The following SH3GL1 variants were observed in gnomAD, a reference collection of about 807,000 sequenced individuals.
SH3GL1 encodes the protein endophilin-A2.
A neutral mutation model predicts 48.8 loss-of-function variants in SH3GL1; 21 were observed. That is an observed-to-expected ratio of 0.43 (90% CI 0.30 to 0.62). The LOEUF is 0.62. Among genes scored for constraint, SH3GL1 ranks in the 20% least tolerant of loss-of-function variants. The probability of loss-of-function intolerance (pLI) is 0.11; values close to 1 mark genes in which losing one functional copy is unlikely to be tolerated. For synonymous variants in SH3GL1, 282 were observed against 217.5 expected (o/e 1.30, Z -2.61); for missense variants, 454 against 503.0 (o/e 0.90, Z 0.93).
intron 3 of SH3GL1, among the ~76,000 whole-genome samples, 159 bp downstream of exon 3, chr19:4,366,342 G>A (rs1345890382): frequency 2.6e-5 from 4 of 152,172 alleles, no homozygotes; most frequent in Admixed American, 2.0e-4. Flanking sequence ...GAGGTGGAAA[G>A]GCAGCATGCA....
chr19:4,394,759 AGAACCCTTG>A (rs1175345719), intron 1 of SH3GL1, among the ~76,000 whole-genome samples: 3 of 152,236 alleles, frequency 2.0e-5, no homozygotes, highest in Admixed American at 6.5e-5. Flanking sequence ...GGACACCGTA[AGAACCCTTG>A]GAAGTCTAGA....
intron 1 of SH3GL1, among the ~76,000 whole-genome samples, chr19:4,371,004 C>T (rs1220552810): frequency 3.9e-5 from 6 of 152,366 alleles, no homozygotes; most frequent in East Asian, 3.9e-4. Flanking sequence ...ACCTGCATGC[C>T]GCATGGATTT....
chr19:4,361,437 C>T lies in SH3GL1; in HGVS notation c.*163G>A. 8.3e-6 allele frequency: 5 copies of T among 604,420 alleles called. No individual in the cohort carries two copies. The highest frequency in any genetic ancestry group is 2.8e-5 in the East Asian group (1 of 35,838). 37.4% of individuals were successfully genotyped at this position (604,420 alleles called of 1,614,324 possible). On this transcript the variant is annotated 3_prime_UTR_variant, in exon 10 of 10. Coordinates refer to ENST00000269886, the MANE Select transcript of SH3GL1 (RefSeq NM_003025.4). ...ACCCACCCAGATAAGCCCCCCCACC[C>T]AAGTGTGGGGTCCTGCTCAGGGAGT...
intron 1 of SH3GL1, among the ~76,000 whole-genome samples, chr19:4,377,368 G>T (rs1568414884): frequency 6.6e-6 from 1 of 152,226 alleles, no homozygotes; most frequent in Non-Finnish European, 1.5e-5. Flanking sequence ...GTGGTGGGCA[G>T]AGCTGTGAGC....
chr19:4,383,056 T>G (rs905275244), intron 1 of SH3GL1, among the ~76,000 whole-genome samples: 2 of 152,068 alleles, frequency 1.3e-5, no homozygotes, highest in Non-Finnish European at 2.9e-5. Context: ...GTAATTGTGA[T>G]TACAAGTACA....
rs962758208 is a variant in SH3GL1 at position 4,367,257 on chromosome 19, T to C, written c.46-263A>G. ...TCCCGACTGCCACTCACATACCCAC[T>C]GGGGACCCTGCCACAGTAGGCCCCA... On this transcript the variant is annotated intron_variant, in intron 1 of 9. Transcript: ENST00000269886. This position sits in a 1 kb window ranked among gnomAD's most constrained non-coding sequence, Gnocchi z 4.2. 6.6e-6 allele frequency among the ~76,000 whole-genome samples: 1 copy of C among 152,100 alleles called. No individual in the cohort carries two copies. The highest frequency in any genetic ancestry group is 1.5e-5 in the Non-Finnish European group (1 of 67,998).
At position 4,400,112 on chromosome 19, in the gene SH3GL1, C is replaced by T. The variant is rs1973495567; in HGVS notation, c.45+212G>A. The stretch of plus-strand genomic sequence containing the variant: ...GGTGCCTCTCCCCTCCTCCCAGGGG[C>T]TCTGTCCCCGCTTCTGGAGCCCGCA... On this transcript the variant is annotated intron_variant, in intron 1 of 9. Transcript: ENST00000269886. This position sits in a 1 kb window ranked among gnomAD's most constrained non-coding sequence, Gnocchi z 4.1. Among the ~76,000 whole-genome samples, 1 of 152,158 alleles carries T rather than the reference C, an allele frequency of 6.6e-6. No individual in the cohort carries two copies. The highest frequency in any genetic ancestry group is 2.4e-5 in the African/African-American group (1 of 41,456).
intron 1 of SH3GL1, among the ~76,000 whole-genome samples, chr19:4,390,976 A>G (rs1223839960): frequency 6.6e-6 from 1 of 152,232 alleles, no homozygotes; most frequent in Admixed American, 6.5e-5. Flanking sequence ...CACTGGAAAC[A>G]ATCACGGAGG....
chr19:4,363,813 C>T lies in SH3GL1; in HGVS notation c.531G>A (p.Lys177=), dbSNP rs1972695147. 3 of 1,613,594 alleles carry T rather than the reference C, an allele frequency of 1.9e-6. No homozygotes were observed. Among genetic ancestry groups the T allele is most frequent in the African/African-American group, 1.3e-5 (1 of 75,062 alleles). The part of the protein sequence containing the change: ...DFDYKKKRQG[K]IPDEELRQAL... ...CCTGGCGTAGCTCCTCATCGGGGAT[C>T]TTGCCCTGCCGCTTCTTCTTGTAGT... The change falls in exon 6 of 10, where the codon AAG becomes AAA. Residue 177 remains lysine (K), a synonymous_variant. Transcript: ENST00000269886.
In SH3GL1 at chr19:4,376,790, G is replaced by A. The variant is rs1008379656; in HGVS notation, c.46-9796C>T. On this transcript the variant is annotated intron_variant, in intron 1 of 9. Transcript: ENST00000269886. This position sits in a 1 kb window ranked among gnomAD's most constrained non-coding sequence, Gnocchi z 4.3. ...TGCCCCACCCTCCTGCTATCCTCAC[G>A]GGGCCTCGCATTCCTCTTGCTTGCT... 1.2e-4 allele frequency among the ~76,000 whole-genome samples: 19 copies of A among 152,118 alleles called. No individual in the cohort carries two copies. Among genetic ancestry groups the A allele is most frequent in the African/African-American group, 2.9e-4 (12 of 41,418 alleles).
intron 4 of SH3GL1, 49 bp downstream of exon 4, chr19:4,365,433 G>T: frequency 6.2e-7 from 1 of 1,610,268 alleles, no homozygotes; most frequent in Non-Finnish European, 8.5e-7. Context: ...CTGTGTTGAG[G>T]TGTGGCCTCC....
Position 4,389,293 on chromosome 19 carries a change from C to A in SH3GL1, c.45+11031G>T, listed in dbSNP as rs1973292683. ...CGTGTGGCATCTGGGTGGGGGACCC[C>A]GAGGCCAGAAGCTCCAAGGGCTGAG... On this transcript the variant is annotated intron_variant, in intron 1 of 9. Coordinates refer to ENST00000269886, the MANE Select transcript of SH3GL1 (RefSeq NM_003025.4). This position sits in a 1 kb window ranked among gnomAD's most constrained non-coding sequence, Gnocchi z 4.5. Among the ~76,000 whole-genome samples, 2 of 152,268 alleles carry A rather than the reference C, an allele frequency of 1.3e-5. No individual in the cohort carries two copies. The highest frequency in any genetic ancestry group is 2.1e-4 in the South Asian group (1 of 4,822).
At position 4,400,530 on chromosome 19, in the gene SH3GL1, C is replaced by T. The variant is rs896012168; in HGVS notation, c.-162G>A. On this transcript the variant is annotated 5_prime_UTR_variant, in exon 1 of 10. Transcript: ENST00000269886. This position sits in a 1 kb window ranked among gnomAD's most constrained non-coding sequence, Gnocchi z 4.1. ...GGCGCCGCCTCAGCCGCTCGCGCGC[C>T]CGCGCGGCCAGGATATTACATGGCA... 18 of 419,306 alleles carry T rather than the reference C, an allele frequency of 4.3e-5. No individual in the cohort carries two copies. The highest frequency in any genetic ancestry group is 3.3e-4 in the African/African-American group (15 of 46,004). The allele number at this position is 419,306 out of a possible 1,614,324, so 26.0% of individuals were successfully genotyped here. A position where few individuals can be genotyped will look rare whatever the true frequency, so the allele number is the denominator to read the frequency against.
chr19:4,387,166 G>A (rs1036855724), intron 1 of SH3GL1, among the ~76,000 whole-genome samples: 2 of 152,162 alleles, frequency 1.3e-5, no homozygotes, highest in Admixed American at 1.3e-4. Flanking sequence ...TCGATCTCCT[G>A]ACCTCGTGAT....
chr19:4,382,915 G>A (rs1460387767), intron 1 of SH3GL1, among the ~76,000 whole-genome samples: 2 of 152,046 alleles, frequency 1.3e-5, no homozygotes, highest in Non-Finnish European at 2.9e-5. Context: ...ACCCAGTTTT[G>A]TGTATTTCAT....
At chr19:4,362,829 G>T in intron 7 of SH3GL1, 93 bp from the exon 8 acceptor site, 1 of 1,587,658 alleles carries the variant, frequency 6.3e-7, no homozygotes, top group South Asian at 1.1e-5. Context: ...GACCTGGCCT[G>T]GGACTGCAGG....
intron 1 of SH3GL1, among the ~76,000 whole-genome samples, chr19:4,380,983 A>AG (rs1358755897): frequency 6.6e-6 from 1 of 151,832 alleles, no homozygotes; most frequent in Admixed American, 6.6e-5. Flanking sequence ...TGTTGATTTC[A>AG]GGGATGAGAG....
At chr19:4,364,994 A>G (rs1465896700) in intron 4 of SH3GL1, among the ~76,000 whole-genome samples, 1 of 149,132 alleles carries the variant, frequency 6.7e-6, no homozygotes, top group Non-Finnish European at 1.5e-5. Context: ...ATCTCAGGTG[A>G]TCCACCTGCC....
rs996233220 is a variant in SH3GL1 at position 4,386,779 on chromosome 19, TAA to T, written c.45+13543_45+13544del. On this transcript the variant is annotated intron_variant, in intron 1 of 9. Transcript: ENST00000269886. Reference sequence around the variant, plus strand: ...CCCAGTGTGCAGGATCCCCCGATCCTAAGAGGCGAGACTGCAGAGGGCATGGC... The same window carrying T: ...CCCAGTGTGCAGGATCCCCCGATCCTGAGGCGAGACTGCAGAGGGCATGGC... 7.4e-4 allele frequency among the ~76,000 whole-genome samples: 112 copies of T among 152,140 alleles called. 1 individual carries two copies. The highest frequency in any genetic ancestry group is 2.0e-3 in the African/African-American group (82 of 41,512).
Sources: gnomAD v4.1 joint callset for allele counts (sites outside exome capture counted in the v4.1 genomes callset) on GRCh38, gnomAD v4.1.1 for gene constraint, Gnocchi (gnomAD v3.1) non-coding constraint, MANE v1.5 for transcripts, NCBI Gene and HGNC (gene_info 2026-07-23, HGNC 2026-07-21) for gene names.